Variants in DPP6 observed in about 807,000 individuals in gnomAD.
DPP6 encodes the protein dipeptidyl peptidase like 6, also known as A-type potassium channel modulatory protein DPP6.
Under a neutral mutation model 122.6 loss-of-function variants are expected in DPP6, and 69 were observed. The ratio of observed to expected loss-of-function variants is 0.56; its 90% CI spans 0.46 to 0.69. The LOEUF (loss-of-function observed/expected upper bound fraction) is 0.69, where lower values mean the gene tolerates loss of function less well. Ranked by LOEUF, DPP6 falls within the 30% of genes least tolerant of loss-of-function variation. The probability of loss-of-function intolerance (pLI) is 0.00; values close to 1 mark genes in which losing one functional copy is unlikely to be tolerated. For missense variants in DPP6, 928 were observed against 1,116.9 expected (o/e 0.83, Z 2.41); for synonymous variants, 418 against 433.1 (o/e 0.97, Z 0.43).
chr7:154,401,546 G>A (rs375848683), intron 1 of DPP6, among the ~76,000 whole-genome samples: 14 of 152,226 alleles, frequency 9.2e-5, no homozygotes, highest in East Asian at 3.9e-4. Flanking sequence ...GCCAATAGTC[G>A]TCTTTAAAAC....
chr7:154,682,757 G>T (rs1839360814), intron 7 of DPP6, among the ~76,000 whole-genome samples: 1 of 152,264 alleles, frequency 6.6e-6, no homozygotes, highest in Non-Finnish European at 1.5e-5. Flanking sequence ...TATCAATACT[G>T]GATACTAACG....
At chr7:154,803,072 C>G (rs976052784) in intron 13 of DPP6, among the ~76,000 whole-genome samples, 2 of 152,160 alleles carry the variant, frequency 1.3e-5, no homozygotes, top group Non-Finnish European at 1.5e-5. Flanking sequence ...CTCTCCTACA[C>G]GCTGTCTGCG....
In DPP6 at chr7:154,833,584, C is replaced by G. The variant is rs907485731; in HGVS notation, c.1667-20196C>G. ...GCTGGAGGGGATGCTGACATTGATG[C>G]TGATGTCATCCGTCATTGTAGCTCC... On this transcript the variant is annotated intron_variant, in intron 16 of 25. Transcript: ENST00000377770. This position sits in a 1 kb window ranked among gnomAD's most constrained non-coding sequence, Gnocchi z 4.3. Among the ~76,000 whole-genome samples the G allele has an allele frequency of 6.6e-6, 1 of 152,126 alleles. No individual in the cohort carries two copies. Among genetic ancestry groups the G allele is most frequent in the Non-Finnish European group, 1.5e-5 (1 of 68,028 alleles).
chr7:154,637,009 C>T (rs543239189), intron 5 of DPP6, among the ~76,000 whole-genome samples: 26 of 152,282 alleles, frequency 1.7e-4, no homozygotes, highest in African/African-American at 6.0e-4. Flanking sequence ...GAGTAACCCA[C>T]ATATTCCGTA....
intron 1 of DPP6, among the ~76,000 whole-genome samples, chr7:154,249,310 A>C (rs114673333): frequency 0.021 from 3,147 of 152,332 alleles, 123 homozygotes; most frequent in African/African-American, 0.071. Context: ...TAGAAATCAC[A>C]TCTAACTTTC....
chr7:154,446,411 T>A, intron 2 of DPP6, 83 bp downstream of exon 2: 2 of 847,202 alleles, frequency 2.4e-6, no homozygotes, highest in Non-Finnish European at 3.7e-6. Context: ...TCTAAGTAAC[T>A]ACCTATTACA....
At chr7:154,272,215 C>G (rs1408022282) in intron 1 of DPP6, among the ~76,000 whole-genome samples, 1 of 152,172 alleles carries the variant, frequency 6.6e-6, no homozygotes, top group African/African-American at 2.4e-5. Context: ...CCTGCCTGCT[C>G]CATCCATTTT....
At chr7:153,975,572 A>G (rs939675628) in intron 1 of DPP6, among the ~76,000 whole-genome samples, 166 of 151,924 alleles carry the variant, frequency 1.1e-3, no homozygotes, top group Non-Finnish European at 1.9e-3. Flanking sequence ...AAATACTGCA[A>G]TGAGAGTTCT....
intron 8 of DPP6, among the ~76,000 whole-genome samples, chr7:154,740,113 T>G (rs1842749118): frequency 6.8e-6 from 1 of 146,910 alleles, no homozygotes; most frequent in Non-Finnish European, 1.6e-5. Context: ...TTACAATTAA[T>G]GACCTACTCC....
chr7:154,638,417 G>A (rs1002915049), intron 6 of DPP6, among the ~76,000 whole-genome samples: 3 of 152,202 alleles, frequency 2.0e-5, no homozygotes, highest in Non-Finnish European at 2.9e-5. Flanking sequence ...CCATCACTCC[G>A]AGGGGGTTTC....
At chr7:154,553,902 CAAAA>C (rs56020996) in intron 4 of DPP6, among the ~76,000 whole-genome samples, 380 of 103,118 alleles carry the variant, frequency 3.7e-3, no homozygotes, top group Middle Eastern at 0.022. Flanking sequence ...AGCCTAATGC[CAAAA>C]AAAAAAAAAA....
intron 1 of DPP6, among the ~76,000 whole-genome samples, chr7:154,355,694 T>C (rs1811219359): frequency 6.6e-6 from 1 of 152,212 alleles, no homozygotes; most frequent in African/African-American, 2.4e-5. Flanking sequence ...TTTTGGACTT[T>C]CTATCTGTTC....
intron 1 of DPP6, among the ~76,000 whole-genome samples, chr7:154,288,349 A>G (rs1250200576): frequency 1.3e-5 from 2 of 152,218 alleles, no homozygotes; most frequent in Non-Finnish European, 2.9e-5. Flanking sequence ...GGAGAGACAG[A>G]GTCCACTGAG....
chr7:154,521,489 T>G (rs1292205943), intron 3 of DPP6, among the ~76,000 whole-genome samples: 1 of 152,148 alleles, frequency 6.6e-6, no homozygotes, highest in African/African-American at 2.4e-5. Context: ...AACAGGACTC[T>G]GTTAAGGCAC....
At chr7:153,967,874 C>T (rs1450950401) in intron 1 of DPP6, among the ~76,000 whole-genome samples, 3 of 151,866 alleles carry the variant, frequency 2.0e-5, no homozygotes, top group Non-Finnish European at 4.4e-5. Flanking sequence ...TGAGTCCTAT[C>T]TGTAAAGGGT....
chr7:154,841,394 AC>A (rs1386084069), intron 16 of DPP6, among the ~76,000 whole-genome samples: 1 of 150,714 alleles, frequency 6.6e-6, no homozygotes, highest in African/African-American at 2.5e-5. Context: ...AGCGCACAAA[AC>A]TGAAATACTA....
intron 1 of DPP6, among the ~76,000 whole-genome samples, chr7:153,970,729 T>TGGAACA (rs1175209311): frequency 6.6e-6 from 1 of 152,200 alleles, no homozygotes; most frequent in Non-Finnish European, 1.5e-5. Flanking sequence ...AGTTTGTTCA[T>TGGAACA]GTTATGTTGA....
chr7:154,076,896 G>A (rs1423046572), intron 1 of DPP6, among the ~76,000 whole-genome samples: 1 of 151,640 alleles, frequency 6.6e-6, no homozygotes, highest in Non-Finnish European at 1.5e-5. Context: ...TAGGTCTCTA[G>A]AGAAGTTGTA....
At chr7:154,462,532 T>C (rs1386804563) in intron 2 of DPP6, among the ~76,000 whole-genome samples, 1 of 152,310 alleles carries the variant, frequency 6.6e-6, no homozygotes, top group South Asian at 2.1e-4. Flanking sequence ...TGCTTCCATT[T>C]CTTTCATCAA....
Sources: allele counts gnomAD v4.1 joint callset (sites outside exome capture counted in the v4.1 genomes callset), GRCh38; gene constraint gnomAD v4.1.1; non-coding constraint Gnocchi (gnomAD v3.1); transcripts MANE v1.5; gene names NCBI Gene and HGNC (gene_info 2026-07-23, HGNC 2026-07-21).